NAV2: variants seen among roughly 807,000 people sequenced by gnomAD.
NAV2 encodes neuron navigator 2.
A neutral mutation model predicts 223.2 loss-of-function variants in NAV2; 54 were observed. The ratio of observed to expected loss-of-function variants is 0.24; its 90% CI spans 0.19 to 0.30. The LOEUF (loss-of-function observed/expected upper bound fraction) is 0.30. Among genes scored for constraint, NAV2 ranks in the 10% least tolerant of loss-of-function variants. The pLI, the probability that NAV2 is intolerant of heterozygous loss-of-function variation, is 1.00. For synonymous variants in NAV2, 1,279 were observed against 1,239.3 expected (o/e 1.03, Z -0.67); for missense variants, 2,806 against 3,147.5 (o/e 0.89, Z 2.60).
At chr11:19,370,075 A>T (rs915884513) in intron 1 of NAV2, among the ~76,000 whole-genome samples, 1 of 152,174 alleles carries the variant, frequency 6.6e-6, no homozygotes, top group Non-Finnish European at 1.5e-5. Context: ...CCAACTATTC[A>T]TAACCCTCCA....
At chr11:19,677,103 A>T (rs77620631) in intron 1 of NAV2, among the ~76,000 whole-genome samples, 2,414 of 152,324 alleles carry the variant, frequency 0.016, 65 homozygotes, top group African/African-American at 0.055. Flanking sequence ...TTGTCCCTAC[A>T]GGCCTCTGGG....
rs190190316 is a variant in NAV2 at position 19,431,553 on chromosome 11, C to T, written c.75+80526C>T. Among the ~76,000 whole-genome samples the T allele has an allele frequency of 4.6e-3, 694 of 152,150 alleles. 33 individuals carry two copies. Among genetic ancestry groups the T allele is most frequent in the Admixed American group, 0.039 (594 of 15,284 alleles). On this transcript the variant is annotated intron_variant, in intron 1 of 37. Coordinates refer to the NAV2 transcript ENST00000360655. ...TGTTGCACTAGAACAGTTTTTCTGG[C>T]CAAAGTGAGGTTGGGGCTGGGTGCT...
chr11:19,470,495 T>A (rs1174514330), intron 1 of NAV2, among the ~76,000 whole-genome samples: 1 of 152,202 alleles, frequency 6.6e-6, no homozygotes, highest in African/African-American at 2.4e-5. Context: ...TGCTGAATTA[T>A]CCCATGGCAA....
chr11:19,955,509 A>C (rs1435036271), intron 10 of NAV2, among the ~76,000 whole-genome samples: 1 of 152,256 alleles, frequency 6.6e-6, no homozygotes, highest in Non-Finnish European at 1.5e-5. Context: ...GGACGTAGCC[A>C]CATGTCTTTC....
intron 1 of NAV2, among the ~76,000 whole-genome samples, chr11:19,745,009 G>A (rs777974614): frequency 1.3e-5 from 2 of 152,146 alleles, no homozygotes; most frequent in Non-Finnish European, 2.9e-5. Flanking sequence ...ATAATTATTG[G>A]ATCAAAGTAC....
intron 1 of NAV2, among the ~76,000 whole-genome samples, chr11:19,616,223 G>A (rs1030094528): frequency 6.6e-6 from 1 of 151,644 alleles, no homozygotes; most frequent in Non-Finnish European, 1.5e-5. Context: ...GGCACACCAT[G>A]CTGAGTATTT....
intron 11 of NAV2, among the ~76,000 whole-genome samples, chr11:20,031,750 G>C (rs1453730758): frequency 3.3e-5 from 5 of 152,068 alleles, no homozygotes; most frequent in Admixed American, 2.0e-4. Flanking sequence ...GTGTGTGTGT[G>C]TGTGTGTGTG....
At chr11:19,557,354 C>T (rs16936974) in intron 1 of NAV2, among the ~76,000 whole-genome samples, 14,226 of 152,146 alleles carry the variant, frequency 0.094, 2,227 homozygotes, top group African/African-American at 0.33. Context: ...ATCCACTGAG[C>T]CTGGCAATCT....
At chr11:19,956,212 A>C (rs2047846583) in intron 10 of NAV2, among the ~76,000 whole-genome samples, 1 of 152,020 alleles carries the variant, frequency 6.6e-6, no homozygotes, top group Non-Finnish European at 1.5e-5. Context: ...CAGACACTAA[A>C]TATGTGGGTT....
rs1016998849 is a variant in NAV2, at chr11:19,872,746, G to T, written c.511+3749G>T. On this transcript the variant is annotated intron_variant, in intron 4 of 37. Transcript: ENST00000349880. ...CCCGCCTGCTGGAGAGCCACAGGGA[G>T]CCTTTGTTCTAGGGCACAGACGGCG... 2.6e-5 allele frequency among the ~76,000 whole-genome samples: 4 copies of T among 152,364 alleles called. No homozygotes were observed. The East Asian group carries it at 7.7e-4, about 29-fold the overall frequency.
intron 1 of NAV2, among the ~76,000 whole-genome samples, chr11:19,637,078 TTTCCATG>T (rs2047524131): frequency 2.0e-5 from 3 of 152,180 alleles, no homozygotes; most frequent in Non-Finnish European, 4.4e-5. Context: ...GAAAACAAGT[TTTCCATG>T]GTCTTGGGAA....
chr11:19,557,713 A>G (rs765035419), intron 1 of NAV2, among the ~76,000 whole-genome samples: 4 of 152,214 alleles, frequency 2.6e-5, no homozygotes, highest in Non-Finnish European at 5.9e-5. Flanking sequence ...TGGGATCCAC[A>G]CCGAACACAG....
At chr11:20,090,189 C>G (rs963442819) in intron 26 of NAV2, among the ~76,000 whole-genome samples, 3 of 152,170 alleles carry the variant, frequency 2.0e-5, no homozygotes, top group Non-Finnish European at 2.9e-5. Context: ...AAAAATCACC[C>G]CTCAGTTGTT....
chr11:19,419,173 G>GC (rs1225939479), intron 1 of NAV2, among the ~76,000 whole-genome samples: 7 of 152,148 alleles, frequency 4.6e-5, no homozygotes, highest in Admixed American at 1.3e-4. Context: ...GCCCCTGCCT[G>GC]CAAGTAGCTC....
intron 1 of NAV2, among the ~76,000 whole-genome samples, chr11:19,679,962 G>A (rs1445036571): frequency 1.3e-5 from 2 of 152,234 alleles, no homozygotes; most frequent in African/African-American, 4.8e-5. Flanking sequence ...GCACAAGAGA[G>A]GCCAGGAGGG....
intron 1 of NAV2, among the ~76,000 whole-genome samples, chr11:19,368,720 C>A (rs1040543842): frequency 2.6e-5 from 4 of 152,164 alleles, no homozygotes; most frequent in Non-Finnish European, 4.4e-5. Context: ...AAGTCAAAGT[C>A]ACACAGCAAA....
intron 14 of NAV2, 26 bp from the exon 15 acceptor site, chr11:20,048,702 C>T (rs781129070): frequency 1.1e-5 from 18 of 1,602,592 alleles, no homozygotes; most frequent in Non-Finnish European, 1.5e-5. Context: ...GGTGTTCAAC[C>T]TACACAACCC....
At chr11:19,411,177 G>C (rs560811955) in intron 1 of NAV2, among the ~76,000 whole-genome samples, 1 of 152,084 alleles carries the variant, frequency 6.6e-6, no homozygotes. Context: ...AGAATCTGCC[G>C]CAACAAGGTC....
chr11:19,800,169 C>A (rs565023693), intron 1 of NAV2, among the ~76,000 whole-genome samples: 1 of 152,202 alleles, frequency 6.6e-6, no homozygotes, highest in Admixed American at 6.5e-5. Flanking sequence ...CTGTCCTCCC[C>A]ACTAGCTAGA....
Sources: allele counts gnomAD v4.1 joint callset (sites outside exome capture counted in the v4.1 genomes callset), GRCh38; gene constraint gnomAD v4.1.1; transcripts MANE v1.5; gene names NCBI Gene and HGNC (gene_info 2026-07-23, HGNC 2026-07-21).